The following ASB3 variants were observed in gnomAD, a reference collection of about 807,000 sequenced individuals.
ASB3 encodes the protein ankyrin repeat and SOCS box protein 3.
Under a neutral mutation model 54.5 loss-of-function variants are expected in ASB3, and 41 were observed. The observed-to-expected ratio is 0.75, with a 90% CI of 0.59 to 0.98. ASB3 has a LOEUF of 0.98. Among genes scored for constraint, ASB3 ranks in the 50% least tolerant of loss-of-function variants. ASB3 has a pLI of 0.00. For synonymous variants in ASB3, 266 were observed against 221.2 expected, an observed-to-expected ratio of 1.20 and a Z score of -1.80; for missense variants, 733 against 620.0, an observed-to-expected ratio of 1.18 and a Z score of -1.94.
At chr2:53,772,077 G>T (rs1026891180) in intron 1 of ASB3, 3 of 579,018 alleles carry the variant, frequency 5.2e-6, no homozygotes, top group South Asian at 2.7e-5. Flanking sequence ...GTATTTGTGG[G>T]TTTTTTTTGT....
At chr2:53,711,666 T>G (rs1429720826) in intron 7 of ASB3, among the ~76,000 whole-genome samples, 2 of 151,934 alleles carry the variant, frequency 1.3e-5, no homozygotes, top group Non-Finnish European at 2.9e-5. Context: ...CCCAGCTACT[T>G]GGGTGGCTGA....
intron 9 of ASB3, among the ~76,000 whole-genome samples, chr2:53,691,132 C>T (rs981940964): frequency 6.6e-6 from 1 of 152,136 alleles, no homozygotes; most frequent in African/African-American, 2.4e-5. Context: ...GTATACATTT[C>T]CTTTCTGATG....
chr2:53,685,826 T>C (rs542577723), intron 9 of ASB3, among the ~76,000 whole-genome samples: 16 of 152,214 alleles, frequency 1.1e-4, no homozygotes, highest in East Asian at 5.8e-4. Flanking sequence ...AGAAAGGGCA[T>C]TGGCTGACAT....
rs565996879 is a variant in ASB3 at position 53,724,928 on chromosome 2, G to C, written c.604+3784C>G. On this transcript the variant is annotated intron_variant, in intron 5 of 9. Coordinates refer to ENST00000263634, the MANE Select transcript of ASB3 (RefSeq NM_016115.5). ...ATTCAACCCAGCAATTCCATCACTG[G>C]GTATATATCCAAAAGAAAATAAATC... Among the ~76,000 whole-genome samples the C allele has an allele frequency of 2.6e-5, 4 of 151,416 alleles. No homozygotes were observed. The South Asian group carries it at 8.5e-4, about 32-fold the overall frequency.
At chr2:53,713,522 T>C (rs1670219848) in intron 7 of ASB3, among the ~76,000 whole-genome samples, 1 of 152,250 alleles carries the variant, frequency 6.6e-6, no homozygotes, top group African/African-American at 2.4e-5. Context: ...AAGGCAGCAG[T>C]AATTCTTCAC....
intron 2 of ASB3, among the ~76,000 whole-genome samples, chr2:53,762,929 T>C (rs890958160): frequency 2.0e-5 from 3 of 152,224 alleles, no homozygotes; most frequent in African/African-American, 4.8e-5. Flanking sequence ...CAAATCTAAA[T>C]TGAAGAGACA....
chr2:53,785,693 A>T (rs547045573), intron 1 of ASB3, among the ~76,000 whole-genome samples: 2,131 of 152,314 alleles, frequency 0.014, 50 homozygotes, highest in African/African-American at 0.049. Flanking sequence ...AAATACAAAA[A>T]TTAGGGTGTA....
chr2:53,725,386 C>T (rs997079529), intron 5 of ASB3, among the ~76,000 whole-genome samples: 5 of 152,162 alleles, frequency 3.3e-5, no homozygotes, highest in African/African-American at 1.2e-4. Context: ...ACCTCAGCAT[C>T]ATGCAATACA....
chr2:53,712,147 T>C (rs1276418877), intron 7 of ASB3, among the ~76,000 whole-genome samples: 3 of 152,126 alleles, frequency 2.0e-5, no homozygotes, highest in South Asian at 2.1e-4. Flanking sequence ...TAGCTCCTAT[T>C]TGCAGTTATC....
intron 6 of ASB3, among the ~76,000 whole-genome samples, chr2:53,716,097 C>A (rs1670372727): frequency 6.6e-6 from 1 of 152,112 alleles, no homozygotes; most frequent in Non-Finnish European, 1.5e-5. Flanking sequence ...TACTCTCTCT[C>A]CAATTTGAGG....
intron 7 of ASB3, among the ~76,000 whole-genome samples, chr2:53,701,203 G>T: frequency 6.6e-6 from 1 of 152,042 alleles, no homozygotes; most frequent in Non-Finnish European, 1.5e-5. Flanking sequence ...TCAAACTCCT[G>T]GCCTCAATGA....
chr2:53,731,766 C>T (rs1057287929), intron 3 of ASB3, among the ~76,000 whole-genome samples: 2 of 152,116 alleles, frequency 1.3e-5, no homozygotes, highest in African/African-American at 2.4e-5. Context: ...AATTCTCCTG[C>T]CTCAGCCTCC....
chr2:53,764,079 A>T (rs758555930), intron 2 of ASB3, among the ~76,000 whole-genome samples: 14 of 152,182 alleles, frequency 9.2e-5, no homozygotes, highest in Admixed American at 7.2e-4. Flanking sequence ...TACCAAAAAC[A>T]ATGTAAAGAT....
intron 8 of ASB3, among the ~76,000 whole-genome samples, 157 bp downstream of exon 8, chr2:53,700,114 T>C (rs1669404368): frequency 6.6e-6 from 1 of 152,076 alleles, no homozygotes; most frequent in African/African-American, 2.4e-5. Flanking sequence ...TTAAATTCAA[T>C]CTCATTATTA....
At chr2:53,777,453 T>C (rs1674403175) in intron 1 of ASB3, among the ~76,000 whole-genome samples, 1 of 152,222 alleles carries the variant, frequency 6.6e-6, no homozygotes, top group African/African-American at 2.4e-5. Context: ...CACTATTCTT[T>C]ATCAAATACA....
At chr2:53,706,961 C>T (rs957133158) in intron 7 of ASB3, among the ~76,000 whole-genome samples, 1 of 152,174 alleles carries the variant, frequency 6.6e-6, no homozygotes, top group Non-Finnish European at 1.5e-5. Flanking sequence ...TTGTCCGTTC[C>T]AGAAAGAGGA....
intron 3 of ASB3, among the ~76,000 whole-genome samples, chr2:53,733,719 G>C (rs1283636476): frequency 1.3e-5 from 2 of 152,172 alleles, no homozygotes; most frequent in Non-Finnish European, 2.9e-5. Context: ...CCAATGCCGA[G>C]ACCAGCTCGG....
chr2:53,700,558 G>A (rs1164463524), intron 7 of ASB3, 30 bp from the exon 8 acceptor site: 3 of 1,572,314 alleles, frequency 1.9e-6, no homozygotes, highest in African/African-American at 2.8e-5. Flanking sequence ...AACAAAAAAA[G>A]AAGAAGTTAG....
chr2:53,777,992 C>CA (rs1312902808), intron 1 of ASB3, among the ~76,000 whole-genome samples: 4 of 151,584 alleles, frequency 2.6e-5, no homozygotes, highest in East Asian at 1.9e-4. Context: ...ACCAAAAATA[C>CA]AAAAAAATTA....
Sources: gnomAD v4.1 joint callset for allele counts (sites outside exome capture counted in the v4.1 genomes callset) on GRCh38, gnomAD v4.1.1 for gene constraint, MANE v1.5 for transcripts, NCBI Gene and HGNC (gene_info 2026-07-23, HGNC 2026-07-21) for gene names.